The following RASSF8 variants were observed in gnomAD, a reference collection of about 807,000 sequenced individuals.
The protein encoded by RASSF8 is Ras association domain family member 8, also known as ras association domain-containing protein 8.
In RASSF8, 22 loss-of-function variants were observed where a neutral mutation model predicts 48.5. The observed-to-expected ratio is 0.45, with a 90% CI of 0.32 to 0.65. The LOEUF (loss-of-function observed/expected upper bound fraction) is 0.65. Among genes scored for constraint, RASSF8 ranks in the 30% least tolerant of loss-of-function variants. RASSF8 has a pLI of 0.03. For missense variants in RASSF8, 418 were observed against 489.2 expected (o/e 0.85, Z 1.37); for synonymous variants, 127 against 171.5 (o/e 0.74, Z 2.03).
chr12:26,054,672 A>G (rs973203073), intron 2 of RASSF8, among the ~76,000 whole-genome samples: 2 of 152,152 alleles, frequency 1.3e-5, no homozygotes, highest in Non-Finnish European at 2.9e-5. Context: ...GACATCATAC[A>G]TGAGAAGAGA....
chr12:26,057,110 G>GTGTGTGTGTA (rs1424409142), intron 3 of RASSF8, among the ~76,000 whole-genome samples: 1 of 151,384 alleles, frequency 6.6e-6, no homozygotes, highest in Non-Finnish European at 1.5e-5. Flanking sequence ...TTGTGTGTGT[G>GTGTGTGTGTA]TGTGTGTGTG....
Position 26,064,501 on chromosome 12 carries a change from G to A in RASSF8, c.107G>A (p.Arg36Gln), listed in dbSNP as rs200480939. Residue 36 changes from arginine (R) to glutamine (Q), a missense_variant, in exon 4 of 6, where the codon CGA becomes CAA. Transcript: ENST00000689635. Reference protein sequence around the residue: ...VVIALAQAIGRTGRYTLIEKW... With the variant: ...VVIALAQAIGQTGRYTLIEKW... ...TATTCTTACCTTTTTTACATAGGTCGAACTGGAAGGTACACCCTTATAGAG... is the reference window on the plus strand; with the variant it reads ...TATTCTTACCTTTTTTACATAGGTCAAACTGGAAGGTACACCCTTATAGAG... 1.5e-5 allele frequency: 23 copies of A among 1,535,314 alleles called. No individual in the cohort carries two copies. Among genetic ancestry groups the A allele is most frequent in the East Asian group, 9.1e-5 (4 of 43,760 alleles).
intron 1 of RASSF8, among the ~76,000 whole-genome samples, chr12:25,991,509 G>A (rs564086769): frequency 3.3e-5 from 5 of 151,940 alleles, no homozygotes; most frequent in Non-Finnish European, 5.9e-5. Context: ...CTTTAATAAG[G>A]TTGCAACCTA....
At chr12:25,970,628 C>A (rs1941463990) in intron 1 of RASSF8, among the ~76,000 whole-genome samples, 1 of 152,174 alleles carries the variant, frequency 6.6e-6, no homozygotes, top group South Asian at 2.1e-4. Flanking sequence ...CTGCTAAAAG[C>A]CCAACCCTCA....
chr12:26,006,229 G>T (rs1942388533), intron 2 of RASSF8, among the ~76,000 whole-genome samples: 1 of 152,150 alleles, frequency 6.6e-6, no homozygotes, highest in African/African-American at 2.4e-5. Flanking sequence ...CCAAGGAACT[G>T]TGTCTGTGTT....
intron 1 of RASSF8, among the ~76,000 whole-genome samples, chr12:25,984,562 C>T (rs1359547059): frequency 6.6e-6 from 1 of 152,124 alleles, no homozygotes; most frequent in Non-Finnish European, 1.5e-5. Flanking sequence ...AGGATGGTCT[C>T]GACCTCTTGA....
chr12:25,992,722 G>A lies in RASSF8; in HGVS notation c.-202-2315G>A, dbSNP rs769192434. Among the ~76,000 whole-genome samples, 11 of 152,136 alleles carry A rather than the reference G, an allele frequency of 7.2e-5. No individual in the cohort carries two copies. The East Asian group carries it at 7.7e-4, about 11-fold the overall frequency. On this transcript the variant is annotated intron_variant, in intron 1 of 5. Transcript: ENST00000689635. ...ACTGGAGGTGGGCCTGGACAGCCAC[G>A]GGAAGGGATGTGAAGGGGTTTGTGG...
intron 2 of RASSF8, among the ~76,000 whole-genome samples, chr12:26,044,405 A>T (rs866465435): frequency 6.6e-6 from 1 of 152,174 alleles, no homozygotes; most frequent in Non-Finnish European, 1.5e-5. Context: ...CATAGCAAAA[A>T]CTAGGGTTTT....
chr12:26,044,007 C>T (rs952457037), intron 2 of RASSF8, among the ~76,000 whole-genome samples: 4 of 152,136 alleles, frequency 2.6e-5, no homozygotes, highest in African/African-American at 9.7e-5. Context: ...CTTAAGATTT[C>T]TGAATTTTTC....
chr12:26,001,032 T>C (rs1942245038), intron 2 of RASSF8, among the ~76,000 whole-genome samples: 2 of 137,416 alleles, frequency 1.5e-5, no homozygotes, highest in South Asian at 4.9e-4. Flanking sequence ...TCACCCAGGC[T>C]GGAGTGCAGT....
intron 2 of RASSF8, among the ~76,000 whole-genome samples, chr12:26,037,576 AT>A (rs981034169): frequency 6.6e-6 from 1 of 152,170 alleles, no homozygotes. Context: ...TTAGTTAATA[AT>A]ATTTTTGTTT....
chr12:26,053,740 A>T (rs190783048), intron 2 of RASSF8, among the ~76,000 whole-genome samples: 131 of 152,358 alleles, frequency 8.6e-4, no homozygotes, highest in Non-Finnish European at 3.4e-4. Context: ...CTTTCTTCAT[A>T]CAGGGGATAA....
intron 1 of RASSF8, among the ~76,000 whole-genome samples, chr12:25,988,828 TAACAA>T (rs1941948659): frequency 6.6e-6 from 1 of 152,164 alleles, no homozygotes; most frequent in Admixed American, 6.5e-5. Context: ...TCTAAACAAG[TAACAA>T]AACAGTGTGG....
chr12:25,977,308 T>G (rs1172820519), intron 1 of RASSF8, among the ~76,000 whole-genome samples: 1 of 152,180 alleles, frequency 6.6e-6, no homozygotes, highest in Non-Finnish European at 1.5e-5. Flanking sequence ...TGTTGGGCTG[T>G]GACTTAAGTA....
In RASSF8 at chr12:26,047,572, C is replaced by T. The variant is rs116310624; in HGVS notation, c.-108-7664C>T. ...TGATCCTGTGTATAACCTGGCCAGG[C>T]CTCAGCCTTCTATGTTCAGTGAAAT... On this transcript the variant is annotated intron_variant, in intron 2 of 5. Transcript: ENST00000689635. Among the ~76,000 whole-genome samples, 899 of 152,304 alleles carry T rather than the reference C, an allele frequency of 5.9e-3. 6 individuals carry two copies. Among genetic ancestry groups the T allele is most frequent in the African/African-American group, 0.02 (847 of 41,562 alleles).
intron 2 of RASSF8, among the ~76,000 whole-genome samples, chr12:26,041,989 A>T (rs1438390273): frequency 6.6e-6 from 1 of 152,244 alleles, no homozygotes; most frequent in Non-Finnish European, 1.5e-5. Flanking sequence ...TACTGAGAGG[A>T]TGAATTGCTG....
intron 3 of RASSF8, among the ~76,000 whole-genome samples, chr12:26,057,860 G>A (rs992270713): frequency 6.6e-6 from 1 of 152,134 alleles, no homozygotes; most frequent in Non-Finnish European, 1.5e-5. Flanking sequence ...GTTTTGATTT[G>A]CATTTCTCTG....
In RASSF8 at chr12:26,069,049, G is replaced by A; in HGVS notation, c.*231G>A. 8.4e-7 allele frequency: 1 copy of A among 1,195,072 alleles called. No homozygotes were observed. Among genetic ancestry groups the A allele is most frequent in the African/African-American group, 1.6e-5 (1 of 63,998 alleles). The allele number at this position is 1,195,072 out of a possible 1,614,324, so 74.0% of individuals were successfully genotyped here. A position where few individuals can be genotyped will look rare whatever the true frequency, so the allele number is the denominator to read the frequency against. On this transcript the variant is annotated 3_prime_UTR_variant, in exon 6 of 6. Coordinates refer to ENST00000689635, the MANE Select transcript of RASSF8 (RefSeq NM_001394098.1). ...GATATTTTTGTCCAGCAGCTATAATGCAAAGCCTTCGTTTTTATTTGTAGC... is the reference window on the plus strand; with the variant it reads ...GATATTTTTGTCCAGCAGCTATAATACAAAGCCTTCGTTTTTATTTGTAGC...
rs2137335205 is a variant in RASSF8, at chr12:26,070,260, A to G, written c.*1442A>G. On this transcript the variant is annotated 3_prime_UTR_variant, in exon 6 of 6. Transcript: ENST00000689635. ...GTAACAATAGAGCTATGTCTTATGC[A>G]TGAAGGCAACTTTGGATGTTTTAAC... The G allele has an allele frequency of 1.0e-6, 1 of 984,842 alleles. No individual in the cohort carries two copies. Among genetic ancestry groups the G allele is most frequent in the African/African-American group, 1.7e-5 (1 of 57,366 alleles). 61.0% of individuals were successfully genotyped at this position (984,842 alleles called of 1,614,324 possible). A position where few individuals can be genotyped will look rare whatever the true frequency, so the allele number is the denominator to read the frequency against.
Sources: allele counts gnomAD v4.1 joint callset (sites outside exome capture counted in the v4.1 genomes callset), GRCh38; gene constraint gnomAD v4.1.1; transcripts MANE v1.5; gene names NCBI Gene and HGNC (gene_info 2026-07-23, HGNC 2026-07-21).